Variants in NRG2 observed in about 807,000 individuals in gnomAD.
The protein encoded by NRG2 is pro-neuregulin-2, membrane-bound isoform.
A neutral mutation model predicts 73.9 loss-of-function variants in NRG2; 27 were observed. The ratio of observed to expected loss-of-function variants is 0.37; its 90% CI spans 0.27 to 0.50. The LOEUF (loss-of-function observed/expected upper bound fraction) is 0.50. Among genes scored for constraint, NRG2 ranks in the 20% least tolerant of loss-of-function variants. NRG2 has a pLI of 0.96. For synonymous variants in NRG2, 532 were observed against 541.0 expected (o/e 0.98, Z 0.23); for missense variants, 1,126 against 1,210.1 (o/e 0.93, Z 1.03).
At chr5:140,001,774 G>T (rs915838552) in intron 1 of NRG2, among the ~76,000 whole-genome samples, 1 of 152,058 alleles carries the variant, frequency 6.6e-6, no homozygotes. Context: ...GAGGCTGTAG[G>T]ATCGTGTAAG....
chr5:139,909,309 G>GA (rs1265047929), intron 1 of NRG2, among the ~76,000 whole-genome samples: 3 of 152,164 alleles, frequency 2.0e-5, no homozygotes, highest in Admixed American at 1.3e-4. Flanking sequence ...AGTGAAAGGG[G>GA]AAAAAACCCC....
chr5:139,952,924 C>A (rs930655936), intron 1 of NRG2, among the ~76,000 whole-genome samples: 4 of 152,140 alleles, frequency 2.6e-5, no homozygotes, highest in Non-Finnish European at 5.9e-5. Flanking sequence ...AGGGCAAGCT[C>A]CCCTGGGTGG....
intron 5 of NRG2, among the ~76,000 whole-genome samples, chr5:139,862,899 T>C (rs1316710724): frequency 2.0e-5 from 3 of 152,242 alleles, no homozygotes; most frequent in Non-Finnish European, 4.4e-5. Context: ...CAATGTGCTA[T>C]TGCAGTCACA....
intron 1 of NRG2, among the ~76,000 whole-genome samples, chr5:140,019,232 T>C (rs1760027849): frequency 6.6e-6 from 1 of 152,150 alleles, no homozygotes; most frequent in Non-Finnish European, 1.5e-5. Flanking sequence ...CAGAAGCCAC[T>C]GGAAGCAGGG....
At chr5:139,849,078 G>A (rs1389162721) in intron 9 of NRG2, among the ~76,000 whole-genome samples, 2 of 152,130 alleles carry the variant, frequency 1.3e-5, no homozygotes, top group Non-Finnish European at 2.9e-5. Flanking sequence ...GTTCCATCTG[G>A]TTTAATACCG....
intron 1 of NRG2, among the ~76,000 whole-genome samples, chr5:139,927,764 CAAAAAAAAA>C (rs67854211): frequency 1.2e-5 from 1 of 82,550 alleles, no homozygotes; most frequent in African/African-American, 4.2e-5. Context: ...AACCTTGTCT[CAAAAAAAAA>C]AAAAAAAAAA....
Position 139,853,669 on chromosome 5 carries a change from C to T in NRG2, c.1293-642G>A, listed in dbSNP as rs1044241679. Among the ~76,000 whole-genome samples the T allele has an allele frequency of 7.2e-5, 11 of 152,086 alleles. No homozygotes were observed. The highest frequency in any genetic ancestry group is 1.4e-4 in the African/African-American group (6 of 41,400). ...TTCAGATTGGCACATATTAAATGCTCGATTTATTTGATATTAAATCTAATC... is the reference window on the plus strand; with the variant it reads ...TTCAGATTGGCACATATTAAATGCTTGATTTATTTGATATTAAATCTAATC... On this transcript the variant is annotated intron_variant, in intron 6 of 9. Transcript: ENST00000361474. The surrounding 1 kb of genome is among the most constrained non-coding windows in gnomAD (Gnocchi z 4.1).
intron 1 of NRG2, among the ~76,000 whole-genome samples, chr5:139,898,096 G>T (rs1218076080): frequency 6.6e-6 from 1 of 152,238 alleles, no homozygotes; most frequent in African/African-American, 2.4e-5. Flanking sequence ...TGTGGCCTTC[G>T]CCCTGGTGGA....
At chr5:139,878,689 A>T (rs1283918529) in intron 3 of NRG2, among the ~76,000 whole-genome samples, 1 of 152,222 alleles carries the variant, frequency 6.6e-6, no homozygotes, top group African/African-American at 2.4e-5. Context: ...GAAAGTCTTG[A>T]CTAATAAAAT....
rs574287230 is a variant in NRG2 at position 139,932,399 on chromosome 5, C to T, written c.701-44888G>A. 4.7e-5 allele frequency among the ~76,000 whole-genome samples: 7 copies of T among 150,138 alleles called. No individual in the cohort carries two copies. In the South Asian group the frequency reaches 1.5e-3, roughly 33 times the overall value. On this transcript the variant is annotated intron_variant, in intron 1 of 9. Transcript: ENST00000361474. ...GAAAGAAAAATATTGCATGATCTCA[C>T]TTATTAGTAGATTTTTTTTTTTAAA...
intron 3 of NRG2, among the ~76,000 whole-genome samples, chr5:139,874,175 A>G (rs1425970130): frequency 6.6e-6 from 1 of 152,150 alleles, no homozygotes; most frequent in Non-Finnish European, 1.5e-5. Flanking sequence ...GCGCAGTTAC[A>G]CTGTTCTAGC....
Position 139,848,233 on chromosome 5 carries a change from G to A in NRG2, c.2237C>T (p.Ser746Leu), listed in dbSNP as rs1438996978. ...TSAGPRRWRRSRLNGLAAQRA... is the reference protein window; with the variant it reads ...TSAGPRRWRRLRLNGLAAQRA... Reference sequence around the variant, plus strand: ...CTGCGCCGCCAGCCCGTTGAGGCGCGAGCGGCGCCAGCGCCGGGGCCCCGC... The same window carrying A: ...CTGCGCCGCCAGCCCGTTGAGGCGCAAGCGGCGCCAGCGCCGGGGCCCCGC... Residue 746 changes from serine to leucine, a missense_variant, in exon 10 of 10, where the codon TCG (serine) becomes TTG (leucine). Ser to Leu is a moderately radical substitution (Grantham distance 145). Coordinates refer to ENST00000361474, the MANE Select transcript of NRG2 (RefSeq NM_004883.3). 8.6e-6 allele frequency: 10 copies of A among 1,168,046 alleles called. No individual in the cohort carries two copies. Among genetic ancestry groups the A allele is most frequent in the Non-Finnish European group, 1.1e-5 (10 of 948,642 alleles). 72.4% of individuals were successfully genotyped at this position (1,168,046 alleles called of 1,614,324 possible).
At chr5:139,970,115 C>T (rs1391699151) in intron 1 of NRG2, among the ~76,000 whole-genome samples, 1 of 152,158 alleles carries the variant, frequency 6.6e-6, no homozygotes, top group Non-Finnish European at 1.5e-5. Context: ...TTCTCCAATT[C>T]ATGCCACAGG....
intron 3 of NRG2, among the ~76,000 whole-genome samples, chr5:139,872,338 G>A (rs1038314887): frequency 2.0e-5 from 3 of 152,204 alleles, no homozygotes; most frequent in Non-Finnish European, 4.4e-5. Flanking sequence ...TGGGCCTTCA[G>A]GGGATGGCAC....
intron 1 of NRG2, among the ~76,000 whole-genome samples, chr5:139,891,258 G>C (rs1764196097): frequency 6.6e-6 from 1 of 152,196 alleles, no homozygotes; most frequent in Admixed American, 6.5e-5. Context: ...TGATGGGCTA[G>C]GGGGATGTGT....
chr5:139,955,124 A>G (rs1754518811), intron 1 of NRG2, among the ~76,000 whole-genome samples: 1 of 152,206 alleles, frequency 6.6e-6, no homozygotes, highest in African/African-American at 2.4e-5. Context: ...GCCCTTGAAG[A>G]GCTTACAGTC....
At position 139,865,225 on chromosome 5, in the gene NRG2, G is replaced by T; in HGVS notation, c.1189+324C>A. 1.4e-6 allele frequency: 2 copies of T among 1,469,162 alleles called. No homozygotes were observed. The highest frequency in any genetic ancestry group is 2.3e-5 in the East Asian group (1 of 44,124). The allele number at this position is 1,469,162 out of a possible 1,614,324, so 91.0% of individuals were successfully genotyped here. A position where few individuals can be genotyped will look rare whatever the true frequency, so the allele number is the denominator to read the frequency against. Reference sequence around the variant, plus strand: ...AGAGAGCCAGGATAGCAAGACACAGGCATTGCAACACCCCGGCACGGGCTC... The same window carrying T: ...AGAGAGCCAGGATAGCAAGACACAGTCATTGCAACACCCCGGCACGGGCTC... On this transcript the variant is annotated intron_variant, in intron 5 of 9. Transcript: ENST00000361474. This position sits in a 1 kb window ranked among gnomAD's most constrained non-coding sequence, Gnocchi z 5.2.
rs981249833 is a variant in NRG2, at chr5:139,929,535, G to A, written c.701-42024C>T. Among the ~76,000 whole-genome samples, 9 of 152,166 alleles carry A rather than the reference G, an allele frequency of 5.9e-5. No homozygotes were observed. The East Asian group carries it at 1.7e-3, about 29-fold the overall frequency. On this transcript the variant is annotated intron_variant, in intron 1 of 9. Coordinates refer to ENST00000361474, the MANE Select transcript of NRG2 (RefSeq NM_004883.3). ...GCTTCCTAGGGGATGCAAGAGAATA[G>A]AAGAGATCAGGTATAGGCTATGCAT...
In NRG2 at chr5:139,847,145, A is replaced by T. The variant is rs925352367; in HGVS notation, c.*772T>A. On this transcript the variant is annotated 3_prime_UTR_variant, in exon 10 of 10. Coordinates refer to ENST00000361474, the MANE Select transcript of NRG2 (RefSeq NM_004883.3). Reference sequence around the variant, plus strand: ...GACATGCAGGTGTAAAATAGAAAAGACGACCTGTAAACGAAGGTGCTGCAG... The same window carrying T: ...GACATGCAGGTGTAAAATAGAAAAGTCGACCTGTAAACGAAGGTGCTGCAG... The T allele has an allele frequency of 1.3e-5, 2 of 152,296 alleles. No homozygotes were observed. The highest frequency in any genetic ancestry group is 2.9e-5 in the Non-Finnish European group (2 of 68,064). The allele number at this position is 152,296 out of a possible 1,614,324, so 9.4% of individuals were successfully genotyped here. A position where few individuals can be genotyped will look rare whatever the true frequency, so the allele number is the denominator to read the frequency against.
Sources: gnomAD v4.1 joint callset for allele counts (sites outside exome capture counted in the v4.1 genomes callset) on GRCh38, gnomAD v4.1.1 for gene constraint, Gnocchi (gnomAD v3.1) non-coding constraint, MANE v1.5 for transcripts, NCBI Gene and HGNC (gene_info 2026-07-23, HGNC 2026-07-21) for gene names.